CTTNBP2: variants seen among roughly 807,000 people sequenced by gnomAD.
CTTNBP2 encodes the protein cortactin-binding protein 2.
CTTNBP2 carries 108 observed loss-of-function variants against 156.9 expected under a neutral mutation model. The ratio of observed to expected loss-of-function variants is 0.69; its 90% confidence interval spans 0.59 to 0.81. The LOEUF is 0.81. Ranked by LOEUF, CTTNBP2 falls within the 30% of genes least tolerant of loss-of-function variation. The pLI, the probability that CTTNBP2 is intolerant of heterozygous loss-of-function variation, is 0.00. For synonymous variants in CTTNBP2, 767 were observed against 751.8 expected (o/e 1.02, Z -0.33); for missense variants, 1,924 against 2,035.4 (o/e 0.95, Z 1.05).
chr7:117,829,609 C>G (rs1801486068), intron 2 of CTTNBP2, among the ~76,000 whole-genome samples: 1 of 152,168 alleles, frequency 6.6e-6, no homozygotes, highest in Non-Finnish European at 1.5e-5. Flanking sequence ...ATGCTCACGC[C>G]CTATTCCTGT....
chr7:117,790,936 A>G (rs1798959961), intron 4 of CTTNBP2, among the ~76,000 whole-genome samples, 192 bp downstream of exon 4: 1 of 152,184 alleles, frequency 6.6e-6, no homozygotes, highest in Non-Finnish European at 1.5e-5. Flanking sequence ...CGCAATTCAT[A>G]TAGCAAGATG....
intron 12 of CTTNBP2, among the ~76,000 whole-genome samples, chr7:117,750,945 C>G (rs1366350812): frequency 2.6e-5 from 4 of 152,178 alleles, no homozygotes; most frequent in African/African-American, 9.6e-5. Context: ...GAATTATCCC[C>G]TAAGTGCACA....
chr7:117,835,312 A>T (rs1801861785), intron 2 of CTTNBP2, among the ~76,000 whole-genome samples: 1 of 152,214 alleles, frequency 6.6e-6, no homozygotes, highest in African/African-American at 2.4e-5. Flanking sequence ...CTGACATCTT[A>T]TATGTTTTAA....
chr7:117,745,991 C>A, intron 13 of CTTNBP2, 22 bp downstream of exon 13: 2 of 1,611,738 alleles, frequency 1.2e-6, no homozygotes, highest in Non-Finnish European at 1.7e-6. Context: ...AGAAAAGCAG[C>A]TGATATACAA....
chr7:117,810,829 T>A lies in CTTNBP2; in HGVS notation c.350A>T (p.His117Leu). 1 of 1,614,060 alleles carries A rather than the reference T, an allele frequency of 6.2e-7. No individual in the cohort carries two copies. The highest frequency in any genetic ancestry group is 8.5e-7 in the Non-Finnish European group (1 of 1,179,986). Reference sequence around the variant, plus strand: ...CATCCTTTCTTGCATTTTCTTGCAGTGGGCCATGACTGCTTCAAGGATGGA... The same window carrying A: ...CATCCTTTCTTGCATTTTCTTGCAGAGGGCCATGACTGCTTCAAGGATGGA... ...PLSILEAVMA[H>L]CKKMQERMSA... Residue 117 changes from histidine to leucine, a missense_variant, in exon 3 of 23, where the codon CAC (histidine) becomes CTC (leucine). Physicochemically the swap from His to Leu is moderately conservative, Grantham distance 99. Transcript: ENST00000160373.
chr7:117,861,048 T>G (rs956861035), intron 2 of CTTNBP2, among the ~76,000 whole-genome samples, 161 bp downstream of exon 2: 1 of 152,216 alleles, frequency 6.6e-6, no homozygotes, highest in Non-Finnish European at 1.5e-5. Flanking sequence ...TTTGGGCTTA[T>G]AAAAGTTATG....
rs775935433 is a variant in CTTNBP2, at chr7:117,760,636, A to G, written c.2971T>C (p.Cys991Arg). The part of the protein sequence containing the change: ...PSNYGSDDLE[C>R]ENTICALNIR... ...TTTAAAGCACATATTGTGTTTTCAC[A>G]TTCCAAGTCATCAGAACCATAGTTG... Residue 991 changes from cysteine (C) to arginine (R), a missense_variant, in exon 10 of 23, where the codon TGT (cysteine) becomes CGT (arginine). Coordinates refer to ENST00000160373, the MANE Select transcript of CTTNBP2 (RefSeq NM_033427.3). 1.9e-6 allele frequency: 3 copies of G among 1,613,842 alleles called. No homozygotes were observed. The highest frequency in any genetic ancestry group is 3.3e-5 in the Admixed American group (2 of 59,996).
chr7:117,792,271 T>C lies in CTTNBP2; in HGVS notation c.925A>G (p.Thr309Ala), dbSNP rs1444029963. The C allele has an allele frequency of 6.2e-7, 1 of 1,614,108 alleles. No homozygotes were observed. The highest frequency in any genetic ancestry group is 1.7e-5 in the Admixed American group (1 of 60,004). Residue 309 changes from threonine to alanine, a missense_variant, in exon 4 of 23, where the codon ACA (threonine) becomes GCA (alanine). Transcript: ENST00000160373. The surrounding 1 kb of genome is among the most constrained non-coding windows in gnomAD (Gnocchi z 4.2). ...GTVTRSVACQTDLVTENADHM... is the reference protein window; with the variant it reads ...GTVTRSVACQADLVTENADHM... ...TCAGCATTTTCTGTCACTAGGTCTG[T>C]CTGGCATGCAACAGACCTTGTCACA...
At chr7:117,861,465 C>T (rs1253234765) in intron 1 of CTTNBP2, 149 bp from the exon 2 acceptor site, 5 of 613,504 alleles carry the variant, frequency 8.1e-6, no homozygotes, top group Non-Finnish European at 8.7e-6. Flanking sequence ...CAATTTACGC[C>T]TTGACCTTCT....
At chr7:117,847,394 G>C (rs1202870645) in intron 2 of CTTNBP2, among the ~76,000 whole-genome samples, 1 of 152,114 alleles carries the variant, frequency 6.6e-6, no homozygotes. Context: ...AACTTAGCTG[G>C]GCGTGGAGGT....
At chr7:117,866,457 A>C (rs1325343837) in intron 1 of CTTNBP2, among the ~76,000 whole-genome samples, 1 of 151,954 alleles carries the variant, frequency 6.6e-6, no homozygotes, top group Non-Finnish European at 1.5e-5. Flanking sequence ...CCAAACACAA[A>C]CTCAGGCACT....
intron 17 of CTTNBP2, among the ~76,000 whole-genome samples, chr7:117,726,154 A>G (rs1476657050): frequency 6.6e-6 from 1 of 152,198 alleles, no homozygotes; most frequent in Non-Finnish European, 1.5e-5. Context: ...AATTTGCAGC[A>G]CTCAATGCCA....
At chr7:117,862,616 G>A (rs1803846839) in intron 1 of CTTNBP2, among the ~76,000 whole-genome samples, 1 of 152,132 alleles carries the variant, frequency 6.6e-6, no homozygotes, top group Non-Finnish European at 1.5e-5. Context: ...CCTCCCTTCT[G>A]TACACAAACT....
At position 117,717,897 on chromosome 7, in the gene CTTNBP2, T is replaced by C. The variant is rs955465091; in HGVS notation, c.4746+121A>G. ...AATGAACACTTTTACCTTTATCCTA[T>C]TTCTCAGTTCTTAGCTTTGGTTTAA... On this transcript the variant is annotated intron_variant, in intron 22 of 22. Transcript: ENST00000160373. 4.6e-6 allele frequency: 3 copies of C among 650,434 alleles called. No individual in the cohort carries two copies. The African/African-American group carries it at 5.5e-5, about 12-fold the overall frequency. 40.3% of individuals were successfully genotyped at this position (650,434 alleles called of 1,614,324 possible).
rs1198784570 is a variant in CTTNBP2 at position 117,711,613 on chromosome 7, A to G, written c.4916T>C (p.Ile1639Thr). ...RSSSSSNTRQIEINNNSKEVN... is the reference protein window; with the variant it reads ...RSSSSSNTRQTEINNNSKEVN... ...TTCTTTTGAGTTGTTGTTGATTTCT[A>G]TTTGCCTTGTATTACTGCTGCTGCT... The change falls in exon 23 of 23, where the codon ATA becomes ACA. Residue 1639 changes from isoleucine to threonine, a missense_variant. Ile to Thr is a moderately conservative substitution (Grantham distance 89, BLOSUM62 -1). Coordinates refer to ENST00000160373, the MANE Select transcript of CTTNBP2 (RefSeq NM_033427.3). 5.6e-6 allele frequency: 9 copies of G among 1,613,746 alleles called. No homozygotes were observed. Among genetic ancestry groups the G allele is most frequent in the Non-Finnish European group, 7.6e-6 (9 of 1,179,886 alleles).
chr7:117,784,245 ATT>A lies in CTTNBP2; in HGVS notation c.2272+4_2272+5del. ...AGTGTGTGGTATAAGATCTCGCCAT[ATT>A]TACCTGTATGTCCATTCTTAGCAGC... is the stretch of plus-strand genomic sequence containing the variant. On this transcript the variant is annotated splice_donor_5th_base_variant and intron_variant, in intron 5 of 22. Coordinates refer to ENST00000160373, the MANE Select transcript of CTTNBP2 (RefSeq NM_033427.3). 1 of 1,594,376 alleles carries A rather than the reference ATT, an allele frequency of 6.3e-7. No individual in the cohort carries two copies. Among genetic ancestry groups the A allele is most frequent in the Non-Finnish European group, 8.5e-7 (1 of 1,172,092 alleles).
chr7:117,849,291 G>C (rs1261548470), intron 2 of CTTNBP2, among the ~76,000 whole-genome samples: 2 of 152,148 alleles, frequency 1.3e-5, no homozygotes, highest in Admixed American at 6.5e-5. Flanking sequence ...ACTTTAGCAT[G>C]CATCAGAATC....
chr7:117,727,836 T>A (rs566136942), intron 17 of CTTNBP2, among the ~76,000 whole-genome samples: 1 of 152,300 alleles, frequency 6.6e-6, no homozygotes, highest in African/African-American at 2.4e-5. Flanking sequence ...AGACTCTGCA[T>A]AGCAAGCCAA....
intron 3 of CTTNBP2, among the ~76,000 whole-genome samples, chr7:117,798,761 G>T (rs139142658): frequency 1.3e-5 from 2 of 151,818 alleles, no homozygotes; most frequent in African/African-American, 4.8e-5. Context: ...AAATGATAGA[G>T]AAATTAACAA....
Sources: gnomAD v4.1 joint callset for allele counts (sites outside exome capture counted in the v4.1 genomes callset) on GRCh38, gnomAD v4.1.1 for gene constraint, Gnocchi (gnomAD v3.1) non-coding constraint, MANE v1.5 for transcripts, NCBI Gene and HGNC (gene_info 2026-07-23, HGNC 2026-07-21) for gene names.